The following SLFN12L variants were observed in gnomAD, a reference collection of about 807,000 sequenced individuals.
SLFN12L encodes schlafen family member 12 like.
Under a neutral mutation model 34.8 loss-of-function variants are expected in SLFN12L, and 34 were observed. That is an observed-to-expected ratio of 0.98 (90% CI 0.74 to 1.30). The LOEUF (loss-of-function observed/expected upper bound fraction) is 1.30. Ranked by LOEUF, SLFN12L falls within the 50% of genes most tolerant of loss-of-function variation. The pLI is 0.00. For synonymous variants in SLFN12L, 259 were observed against 247.5 expected (o/e 1.05, Z -0.44); for missense variants, 703 against 696.2 (o/e 1.01, Z -0.11).
At position 35,468,747 on chromosome 17, in the gene SLFN12L, C is replaced by A. The variant is rs895617076; in HGVS notation, c.*6176G>T. Among the ~76,000 whole-genome samples the A allele has an allele frequency of 6.6e-6, 1 of 152,184 alleles. No homozygotes were observed. Among genetic ancestry groups the A allele is most frequent in the East Asian group, 1.9e-4 (1 of 5,198 alleles). ...CTAAGAATTAATGGAGGGCCAAGCA[C>A]AGTGACTCATGCCTATAATTCCAGC... On this transcript the variant is annotated 3_prime_UTR_variant, in exon 5 of 5. Transcript: ENST00000628453.
chr17:35,485,963 T>G (rs8066013), intron 2 of SLFN12L, among the ~76,000 whole-genome samples: 2,082 of 152,360 alleles, frequency 0.014, 57 homozygotes, highest in African/African-American at 0.047. Context: ...TTCTTTTTGT[T>G]TAGGATTGCC....
chr17:35,472,699 T>C lies in SLFN12L; in HGVS notation c.*2224A>G, dbSNP rs1467304101. Among the ~76,000 whole-genome samples, 1 of 152,192 alleles carries C rather than the reference T, an allele frequency of 6.6e-6. No homozygotes were observed. Among genetic ancestry groups the C allele is most frequent in the Non-Finnish European group, 1.5e-5 (1 of 68,036 alleles). On this transcript the variant is annotated 3_prime_UTR_variant, in exon 5 of 5. Transcript: ENST00000628453. ...GAAATTCTGTGAAGAATGTCAATGGTAGTTTGATGGGAATAACATTGAATC... is the reference window on the plus strand; with the variant it reads ...GAAATTCTGTGAAGAATGTCAATGGCAGTTTGATGGGAATAACATTGAATC...
Position 35,490,117 on chromosome 17 carries a change from C to A in SLFN12L, c.87-9922G>T, listed in dbSNP as rs553935661. 5.1e-5 allele frequency: 82 copies of A among 1,606,148 alleles called. No individual in the cohort carries two copies. In the African/African-American group the frequency reaches 9.5e-4, roughly 19 times the overall value. ...CCAGTGCCCCAGGCGCGGAGCAGAC[C>A]GCCGGCAACCTCCTCTACACCACGC... On this transcript the variant is annotated intron_variant, in intron 2 of 4. Coordinates refer to ENST00000628453, the MANE Select transcript of SLFN12L (RefSeq NM_001363830.2).
At chr17:35,493,785 T>A (rs1914934208) in intron 2 of SLFN12L, among the ~76,000 whole-genome samples, 1 of 152,274 alleles carries the variant, frequency 6.6e-6, no homozygotes, top group African/African-American at 2.4e-5. Flanking sequence ...TCTACTCACA[T>A]TTTCATTTTT....
chr17:35,494,019 T>C (rs1230783236), intron 2 of SLFN12L, among the ~76,000 whole-genome samples: 8 of 152,126 alleles, frequency 5.3e-5, no homozygotes, highest in Non-Finnish European at 2.9e-5. Flanking sequence ...GCATGACAAC[T>C]CGTGTGTATG....
chr17:35,522,425 G>C lies in SLFN12L; in HGVS notation c.-61C>G. ...GTAAGCCATGGACAAACAATTCTCT[G>C]TTCTTGTGGAAGCTTCTGGAGAATA... is the stretch of plus-strand genomic sequence containing the variant. On this transcript the variant is annotated 5_prime_UTR_variant, in exon 2 of 5. Transcript: ENST00000628453. The C allele has an allele frequency of 1.9e-6, 3 of 1,614,116 alleles. No homozygotes were observed. Among genetic ancestry groups the C allele is most frequent in the Non-Finnish European group, 2.5e-6 (3 of 1,180,024 alleles).
At chr17:35,525,380 G>A (rs890739560) in intron 1 of SLFN12L, among the ~76,000 whole-genome samples, 6 of 152,154 alleles carry the variant, frequency 3.9e-5, no homozygotes, top group African/African-American at 1.4e-4. Context: ...TATTCCTCGA[G>A]AAGAGCAACC....
In SLFN12L at chr17:35,530,397, GGAA is replaced by G. The variant is rs1240534101; in HGVS notation, c.-606+7173_-606+7175del. On this transcript the variant is annotated intron_variant, in intron 1 of 4. Transcript: ENST00000628453. ...AGGAAGGAAGGAAGGAAGGAAGGAA[GGAA>G]GGAAGGAAGGAAGGAAGGAAGGAAG... is the stretch of plus-strand genomic sequence containing the variant. 2.6e-3 allele frequency among the ~76,000 whole-genome samples: 23 copies of G among 8,798 alleles called. 1 individual carries two copies. Among genetic ancestry groups the G allele is most frequent in the African/African-American group, 8.2e-3 (19 of 2,322 alleles). The allele number at this position is 8,798 out of a possible 152,430, so 5.8% of individuals were successfully genotyped here.
At position 35,474,689 on chromosome 17, in the gene SLFN12L, G is replaced by GC. The variant is rs201323091; in HGVS notation, c.*233_*234insG. ...GTACTCCTAGCACTTTGGGAGACCG[G>GC]GGGGGGGGGTTGAATCACGAGGTCA... On this transcript the variant is annotated 3_prime_UTR_variant, in exon 5 of 5. Transcript: ENST00000628453. The GC allele has an allele frequency of 5.3e-5, 17 of 320,212 alleles. No individual in the cohort carries two copies. Among genetic ancestry groups the GC allele is most frequent in the Admixed American group, 2.0e-4 (4 of 19,978 alleles). The allele number at this position is 320,212 out of a possible 1,614,324, so 19.8% of individuals were successfully genotyped here.
intron 2 of SLFN12L, chr17:35,487,896 G>A: frequency 1.2e-6 from 1 of 802,954 alleles, no homozygotes; most frequent in African/African-American, 1.7e-5. Context: ...TCGACTCTGC[G>A]CCTTTGGAAA....
chr17:35,511,708 C>G (rs966841260), intron 2 of SLFN12L, among the ~76,000 whole-genome samples: 3 of 152,060 alleles, frequency 2.0e-5, no homozygotes, highest in African/African-American at 7.2e-5. Flanking sequence ...ATGATTGTGC[C>G]ACTGCACTCC....
Position 35,479,409 on chromosome 17 carries a change from G to A in SLFN12L, c.873C>T (p.Gly291=). The change falls in exon 3 of 5, where the codon GGC becomes GGT. Residue 291 remains glycine, a synonymous_variant. Coordinates refer to ENST00000628453, the MANE Select transcript of SLFN12L (RefSeq NM_001363830.2). ...VGLNEDKEVI[G]FKAEKSYLTK... The stretch of plus-strand genomic sequence containing the variant: ...TAAGATAACTCTTCTCTGCTTTAAA[G>A]CCAATTACTTCTTTATCTTCATTTA... 1 of 1,613,262 alleles carries A rather than the reference G, an allele frequency of 6.2e-7. No homozygotes were observed.
At chr17:35,482,773 C>T (rs534211155) in intron 2 of SLFN12L, among the ~76,000 whole-genome samples, 4 of 152,270 alleles carry the variant, frequency 2.6e-5, no homozygotes, top group South Asian at 2.1e-4. Context: ...GGGTCAAAGG[C>T]GGCGGGTCCC....
intron 2 of SLFN12L, chr17:35,480,474 T>C (rs1914287077): frequency 3.3e-6 from 1 of 299,632 alleles, no homozygotes. Flanking sequence ...ATCACTAATA[T>C]TGTACAATTT....
At chr17:35,532,559 A>G (rs1014097043) in intron 1 of SLFN12L, among the ~76,000 whole-genome samples, 1 of 152,254 alleles carries the variant, frequency 6.6e-6, no homozygotes, top group South Asian at 2.1e-4. Context: ...TTTATAAAGT[A>G]CCTGGCTCCG....
At chr17:35,535,429 TCA>T (rs2072450710) in intron 1 of SLFN12L, among the ~76,000 whole-genome samples, 1 of 151,332 alleles carries the variant, frequency 6.6e-6, no homozygotes, top group Admixed American at 6.6e-5. Context: ...ACTCCCGACC[TCA>T]GGTGATCCGC....
chr17:35,532,679 G>A (rs1010632744), intron 1 of SLFN12L, among the ~76,000 whole-genome samples: 7 of 152,168 alleles, frequency 4.6e-5, no homozygotes, highest in African/African-American at 1.4e-4. Context: ...ATCACTTGAG[G>A]CCAGGAGTTC....
intron 1 of SLFN12L, among the ~76,000 whole-genome samples, chr17:35,530,434 GGGAAGGGAAGAAAGAAAGAAA>G (rs1162120701): frequency 0.015 from 176 of 11,644 alleles, 12 homozygotes; most frequent in African/African-American, 0.028. Context: ...AGGAAGGGAA[GGGAAGGGAAGAAAGAAAGAAA>G]GAAAGAAAGA....
intron 1 of SLFN12L, among the ~76,000 whole-genome samples, chr17:35,530,429 GGGAAGGGAAGGGAAGAAAGAAAGAAA>G (rs1282697622): frequency 1.7e-3 from 15 of 8,804 alleles, no homozygotes; most frequent in Middle Eastern, 0.036. Flanking sequence ...AAGGAAGGAA[GGGAAGGGAAGGGAAGAAAGAAAGAAA>G]GAAAGAAAGA....
Sources: gnomAD v4.1 joint callset for allele counts (sites outside exome capture counted in the v4.1 genomes callset) on GRCh38, gnomAD v4.1.1 for gene constraint, MANE v1.5 for transcripts, NCBI Gene and HGNC (gene_info 2026-07-23, HGNC 2026-07-21) for gene names.